Variants in KIAA0825 observed in about 807,000 individuals in gnomAD.
The protein encoded by KIAA0825 is KIAA0825, also known as uncharacterized protein KIAA0825.
KIAA0825 carries 119 observed loss-of-function variants against 147.6 expected under a neutral mutation model. The ratio of observed to expected loss-of-function variants is 0.81; its 90% CI spans 0.69 to 0.94. The LOEUF is 0.94. Ranked by LOEUF, KIAA0825 falls within the 40% of genes least tolerant of loss-of-function variation. The pLI is 0.00. For synonymous variants in KIAA0825, 470 were observed against 518.1 expected, an observed-to-expected ratio of 0.91 and a Z score of 1.26; for missense variants, 1,381 against 1,472.7, an observed-to-expected ratio of 0.94 and a Z score of 1.02.
At chr5:94,546,888 T>C (rs1195736066) in intron 2 of KIAA0825, among the ~76,000 whole-genome samples, 1 of 145,624 alleles carries the variant, frequency 6.9e-6, no homozygotes, top group Non-Finnish European at 1.5e-5. Context: ...CAGAGACCAA[T>C]CCTAGAGAAA....
intron 20 of KIAA0825, among the ~76,000 whole-genome samples, chr5:94,372,647 G>A (rs1419869395): frequency 6.6e-6 from 1 of 152,196 alleles, no homozygotes; most frequent in Non-Finnish European, 1.5e-5. Flanking sequence ...AGGCCACAAA[G>A]CATTTTTCCC....
chr5:94,509,768 C>T (rs1766224892), intron 5 of KIAA0825, among the ~76,000 whole-genome samples: 1 of 152,186 alleles, frequency 6.6e-6, no homozygotes, highest in Non-Finnish European at 1.5e-5. Flanking sequence ...CTTAAAGAGG[C>T]TGTGATTGCT....
chr5:94,500,941 C>T (rs1765003778), intron 5 of KIAA0825, among the ~76,000 whole-genome samples: 1 of 152,086 alleles, frequency 6.6e-6, no homozygotes. Context: ...CCACACCCAG[C>T]TAATTTTTTG....
At chr5:94,170,268 C>T (rs1768494656) in intron 20 of KIAA0825, among the ~76,000 whole-genome samples, 1 of 152,122 alleles carries the variant, frequency 6.6e-6, no homozygotes, top group South Asian at 2.1e-4. Context: ...CACTGCACTG[C>T]AGCCTGGGCG....
chr5:94,351,976 G>A (rs1316332472), intron 20 of KIAA0825, among the ~76,000 whole-genome samples: 1 of 152,128 alleles, frequency 6.6e-6, no homozygotes, highest in Non-Finnish European at 1.5e-5. Flanking sequence ...AAAAATTCTA[G>A]AAGATAACAT....
chr5:94,246,568 C>G (rs1227415706), intron 20 of KIAA0825, among the ~76,000 whole-genome samples: 1 of 152,106 alleles, frequency 6.6e-6, no homozygotes, highest in Non-Finnish European at 1.5e-5. Context: ...TATGCATTAC[C>G]TTGTTTAGTT....
intron 3 of KIAA0825, among the ~76,000 whole-genome samples, chr5:94,533,700 T>C (rs982099862): frequency 6.6e-6 from 1 of 152,204 alleles, no homozygotes; most frequent in African/African-American, 2.4e-5. Flanking sequence ...GATACGGAGG[T>C]ACAACATTCA....
At chr5:94,380,146 C>T (rs968455294) in intron 20 of KIAA0825, among the ~76,000 whole-genome samples, 1 of 152,168 alleles carries the variant, frequency 6.6e-6, no homozygotes, top group Non-Finnish European at 1.5e-5. Context: ...AGCCACCGTG[C>T]CTGGCCGATA....
intron 20 of KIAA0825, among the ~76,000 whole-genome samples, chr5:94,222,689 C>T (rs548577508): frequency 6.6e-6 from 1 of 152,064 alleles, no homozygotes; most frequent in South Asian, 2.1e-4. Flanking sequence ...TAGCTCTTAA[C>T]AATCATAAAA....
intron 5 of KIAA0825, among the ~76,000 whole-genome samples, chr5:94,505,361 T>TA (rs530402018): frequency 0.095 from 12,920 of 136,018 alleles, 729 homozygotes; most frequent in Middle Eastern, 0.13. Context: ...ACTCTGTCTT[T>TA]AAAAAAAAAA....
intron 20 of KIAA0825, among the ~76,000 whole-genome samples, chr5:94,300,349 T>C (rs1778335873): frequency 6.6e-6 from 1 of 152,092 alleles, no homozygotes; most frequent in Non-Finnish European, 1.5e-5. Context: ...CAAAAGCATA[T>C]ACATTTTAAA....
At chr5:94,591,955 C>T (rs1784429275) in intron 1 of KIAA0825, among the ~76,000 whole-genome samples, 1 of 152,110 alleles carries the variant, frequency 6.6e-6, no homozygotes, top group South Asian at 2.1e-4. Flanking sequence ...AGACCCACCC[C>T]CTTGATTCCA....
intron 20 of KIAA0825, among the ~76,000 whole-genome samples, chr5:94,247,572 C>T (rs1157354285): frequency 1.3e-5 from 2 of 152,034 alleles, no homozygotes; most frequent in African/African-American, 4.8e-5. Context: ...GAGTCCTTGC[C>T]CTGAGCTTTT....
intron 20 of KIAA0825, among the ~76,000 whole-genome samples, chr5:94,232,881 A>G (rs970276031): frequency 2.0e-5 from 3 of 152,110 alleles, no homozygotes; most frequent in South Asian, 2.1e-4. Context: ...AAAGTACAAG[A>G]TTTTTTCCCT....
intron 13 of KIAA0825, among the ~76,000 whole-genome samples, chr5:94,441,136 G>A (rs1757028181): frequency 6.6e-6 from 1 of 152,088 alleles, no homozygotes; most frequent in Non-Finnish European, 1.5e-5. Flanking sequence ...AATTTACTGT[G>A]TGGTAAGCCA....
intron 20 of KIAA0825, among the ~76,000 whole-genome samples, chr5:94,268,997 A>C (rs555061492): frequency 6.6e-6 from 1 of 152,204 alleles, no homozygotes; most frequent in Admixed American, 6.5e-5. Context: ...CTGTCAAAAA[A>C]CTGTCGTCCT....
intron 13 of KIAA0825, among the ~76,000 whole-genome samples, chr5:94,444,418 G>A (rs950116724): frequency 6.6e-6 from 1 of 152,096 alleles, no homozygotes; most frequent in Non-Finnish European, 1.5e-5. Context: ...GCAGCGAAGT[G>A]TATCTGTAAC....
chr5:94,321,941 C>T (rs1430481318), intron 20 of KIAA0825, among the ~76,000 whole-genome samples: 1 of 151,834 alleles, frequency 6.6e-6, no homozygotes, highest in African/African-American at 2.4e-5. Flanking sequence ...GTATTCCCTA[C>T]TCTGAATTCC....
intron 20 of KIAA0825, among the ~76,000 whole-genome samples, chr5:94,335,297 T>G (rs1392803282): frequency 6.6e-6 from 1 of 152,172 alleles, no homozygotes; most frequent in East Asian, 1.9e-4. Context: ...ATATTCAATT[T>G]TCCTACTTTG....
Sources: allele counts gnomAD v4.1 joint callset (sites outside exome capture counted in the v4.1 genomes callset), GRCh38; gene constraint gnomAD v4.1.1; transcripts MANE v1.5; gene names NCBI Gene and HGNC (gene_info 2026-07-23, HGNC 2026-07-21).